DNMT3A: variants seen among roughly 807,000 people sequenced by gnomAD.
DNMT3A encodes the protein DNA (cytosine-5)-methyltransferase 3A.
A neutral mutation model predicts 117.6 loss-of-function variants in DNMT3A; 267 were observed. That is an observed-to-expected ratio of 2.27 (90% CI 2.05 to 2.51). The LOEUF is 2.51. DNMT3A is among the 30% of genes most tolerant of loss of function. The pLI is 0.00. For synonymous variants in DNMT3A, 432 were observed against 474.8 expected (o/e 0.91, Z 1.17); for missense variants, 1,029 against 1,260.2 (o/e 0.82, Z 2.78).
chr2:25,310,745 T>C (rs377497134), intron 2 of DNMT3A, among the ~76,000 whole-genome samples: 9 of 152,080 alleles, frequency 5.9e-5, no homozygotes, highest in East Asian at 3.9e-4. Flanking sequence ...CGCTCCAGGC[T>C]AGCAGTGGGC....
chr2:25,297,271 C>T (rs1049601382), intron 3 of DNMT3A, among the ~76,000 whole-genome samples: 1 of 152,152 alleles, frequency 6.6e-6, no homozygotes, highest in African/African-American at 2.4e-5. Flanking sequence ...CAATCAGCTT[C>T]ACCTTTACCA....
At chr2:25,290,265 A>G (rs1296586488) in intron 3 of DNMT3A, among the ~76,000 whole-genome samples, 7 of 151,666 alleles carry the variant, frequency 4.6e-5, no homozygotes, top group Non-Finnish European at 1.0e-4. Context: ...TCAGCCTCCC[A>G]AGGAGCTGGG....
At chr2:25,272,267 G>A (rs1450904365) in intron 6 of DNMT3A, among the ~76,000 whole-genome samples, 2 of 152,230 alleles carry the variant, frequency 1.3e-5, no homozygotes, top group Non-Finnish European at 2.9e-5. Flanking sequence ...GGTTACAGGT[G>A]TGAGCCACTG....
intron 6 of DNMT3A, among the ~76,000 whole-genome samples, chr2:25,271,016 C>T (rs1460697337): frequency 6.6e-6 from 1 of 151,584 alleles, no homozygotes; most frequent in Non-Finnish European, 1.5e-5. Flanking sequence ...AAGTGCGAAA[C>T]TCCGTCTCAA....
Position 25,234,129 on chromosome 2 carries a change from C to T in DNMT3A, c.*150G>A, listed in dbSNP as rs931884746. 8.9e-6 allele frequency: 11 copies of T among 1,240,438 alleles called. No individual in the cohort carries two copies. The highest frequency in any genetic ancestry group is 5.4e-5 in the East Asian group (2 of 37,024). The allele number at this position is 1,240,438 out of a possible 1,614,324, so 76.8% of individuals were successfully genotyped here. A position where few individuals can be genotyped will look rare whatever the true frequency, so the allele number is the denominator to read the frequency against. The stretch of plus-strand genomic sequence containing the variant: ...GCAAGGCAAAGCCCTCCGGTATTTC[C>T]GCCTCTGTGGTTTTTGTTTTAAATT... On this transcript the variant is annotated 3_prime_UTR_variant, in exon 23 of 23. Transcript: ENST00000321117. This position sits in a 1 kb window ranked among gnomAD's most constrained non-coding sequence, Gnocchi z 4.5.
intron 6 of DNMT3A, among the ~76,000 whole-genome samples, chr2:25,251,700 C>A (rs1442901743): frequency 6.6e-6 from 1 of 152,188 alleles, no homozygotes; most frequent in Admixed American, 6.5e-5. Flanking sequence ...TTCTTTCTGG[C>A]GGCCTGCCTG....
Position 25,236,441 on chromosome 2 carries a change from T to C in DNMT3A, c.2478+495A>G, listed in dbSNP as rs967105659. Among the ~76,000 whole-genome samples, 3 of 152,124 alleles carry C rather than the reference T, an allele frequency of 2.0e-5. No homozygotes were observed. Among genetic ancestry groups the C allele is most frequent in the Non-Finnish European group, 4.4e-5 (3 of 68,018 alleles). On this transcript the variant is annotated intron_variant, in intron 21 of 22. Coordinates refer to ENST00000321117, the MANE Select transcript of DNMT3A (RefSeq NM_022552.5). The surrounding 1 kb of genome is among the most constrained non-coding windows in gnomAD (Gnocchi z 4.5). ...TCCAAAGAATTAGTTCTTTCAGAGA[T>C]GGAGTAACTTGTAGGCTAAAGGATG...
In DNMT3A at chr2:25,275,534, T is replaced by C. The variant is rs1030411701; in HGVS notation, c.458A>G (p.Gln153Arg). The C allele has an allele frequency of 6.3e-7, 1 of 1,584,416 alleles. No individual in the cohort carries two copies. Among genetic ancestry groups the C allele is most frequent in the African/African-American group, 1.4e-5 (1 of 72,556 alleles). ...CATGGATTCGATGTTGGTCTCCTTC[T>C]GTTCTTTGCCTGTGGAGAGGGAAGA... ...RGAPAEAGKE[Q>R]KETNIESMKM... is the part of the protein sequence containing the mutation. The change falls in exon 5 of 23, where the codon CAG becomes CGG. Residue 153 changes from glutamine to arginine, a missense_variant. By Grantham distance (43) the Gln-to-Arg change is conservative (BLOSUM62 1). Transcript: ENST00000321117.
intron 6 of DNMT3A, among the ~76,000 whole-genome samples, chr2:25,255,128 C>T (rs1676003110): frequency 6.6e-6 from 1 of 152,210 alleles, no homozygotes; most frequent in Admixed American, 6.5e-5. Context: ...CTTTTCTAGA[C>T]TGAGTCGCTT....
Position 25,243,924 on chromosome 2 carries a change from A to C in DNMT3A, c.1910T>G (p.Leu637Arg), listed in dbSNP as rs371523368. The C allele has an allele frequency of 1.3e-6, 2 of 1,552,154 alleles. No individual in the cohort carries two copies. The highest frequency in any genetic ancestry group is 8.7e-7 in the Non-Finnish European group (1 of 1,147,118). ...TGTAGCGATTCCATCAAAGAGAGAC[A>C]GCACCCGGATGGGCTTCCTCTTCTC... ...PAEKRKPIRV[L>R]SLFDGIATGL... is the part of the protein sequence containing the mutation. The change falls in exon 16 of 23, where the codon CTG (leucine) becomes CGG (arginine). Residue 637 changes from leucine to arginine, a missense_variant. By Grantham distance (102) the Leu-to-Arg change is moderately radical (BLOSUM62 -2). Coordinates refer to ENST00000321117, the MANE Select transcript of DNMT3A (RefSeq NM_022552.5).
rs535562135 is a variant in DNMT3A at position 25,311,266 on chromosome 2, C to T, written c.72+2647G>A. ...CCTTTGTGCACAGTGCCCCTGGCAC[C>T]TGTGCCAGGCTCCCTGGGCTGCAGA... On this transcript the variant is annotated intron_variant, in intron 2 of 22. Transcript: ENST00000321117. This position sits in a 1 kb window ranked among gnomAD's most constrained non-coding sequence, Gnocchi z 5.2. Among the ~76,000 whole-genome samples the T allele has an allele frequency of 3.3e-5, 5 of 152,310 alleles. No individual in the cohort carries two copies. In the South Asian group the frequency reaches 8.3e-4, roughly 25 times the overall value.
intron 1 of DNMT3A, among the ~76,000 whole-genome samples, chr2:25,321,779 G>A (rs934665394): frequency 4.6e-5 from 7 of 152,198 alleles, no homozygotes; most frequent in South Asian, 2.1e-4. Context: ...CCAGCTACTC[G>A]AGAGGCTGAT....
rs143878403 is a variant in DNMT3A at position 25,327,339 on chromosome 2, A to G, written c.-177-13178T>C. ...CCCCAAAGGGCTTTTTTCCATCCTC[A>G]TGGCCCTTGAGCTCAATTCAACATC... is the stretch of plus-strand genomic sequence containing the variant. On this transcript the variant is annotated intron_variant, in intron 1 of 22. Transcript: ENST00000321117. This position sits in a 1 kb window ranked among gnomAD's most constrained non-coding sequence, Gnocchi z 4.1. 1.6e-3 allele frequency among the ~76,000 whole-genome samples: 238 copies of G among 152,148 alleles called. No homozygotes were observed. The highest frequency in any genetic ancestry group is 5.5e-3 in the African/African-American group (229 of 41,490).
chr2:25,242,027 G>A (rs547937895), intron 16 of DNMT3A: 6 of 362,070 alleles, frequency 1.7e-5, no homozygotes, highest in East Asian at 1.3e-4. Flanking sequence ...GTTGTTGTCC[G>A]TCTACAACTT....
rs1055980301 is a variant in DNMT3A, at chr2:25,313,934, C to T, written c.51G>A (p.Ala17=). 32 of 1,549,826 alleles carry T rather than the reference C, an allele frequency of 2.1e-5. No individual in the cohort carries two copies. Among genetic ancestry groups the T allele is most frequent in the Non-Finnish European group, 2.6e-5 (30 of 1,147,068 alleles). ...TCACCTTTCGGTCCTCCTCCCGCTCCGCAGCAGAGCTGCTGGTGTCCCCGG... is the reference window on the plus strand; with the variant it reads ...TCACCTTTCGGTCCTCCTCCCGCTCTGCAGCAGAGCTGCTGGTGTCCCCGG... ...SGPGDTSSSA[A]EREEDRKDGE... is the part of the protein sequence containing the mutation. Residue 17 remains alanine, a synonymous_variant, in exon 2 of 23, where the codon GCG becomes GCA. Transcript: ENST00000321117.
chr2:25,256,308 G>A (rs1236207254), intron 6 of DNMT3A, among the ~76,000 whole-genome samples: 1 of 152,126 alleles, frequency 6.6e-6, no homozygotes, highest in East Asian at 1.9e-4. Context: ...GTGATATCAT[G>A]AAGCCCACGC....
intron 6 of DNMT3A, among the ~76,000 whole-genome samples, chr2:25,259,076 C>A (rs558805504): frequency 6.6e-6 from 1 of 152,380 alleles, no homozygotes; most frequent in African/African-American, 2.4e-5. Flanking sequence ...CAACCCTACA[C>A]TTCCCTAATG....
rs1425128838 is a variant in DNMT3A at position 25,282,628 on chromosome 2, T to C, written c.261A>G (p.Leu87=). 1.9e-6 allele frequency: 3 copies of C among 1,613,448 alleles called. No homozygotes were observed. Among genetic ancestry groups the C allele is most frequent in the Admixed American group, 1.7e-5 (1 of 59,908 alleles). The change falls in exon 4 of 23, where the codon CTA becomes CTG. Residue 87 remains leucine, a synonymous_variant. Transcript: ENST00000321117. This position sits in a 1 kb window ranked among gnomAD's most constrained non-coding sequence, Gnocchi z 5.2. ...SMAQDSGASE[L]LPNGDLEKRS... is the part of the protein sequence containing the mutation. ...GCTTCTCCAAGTCCCCATTGGGTAATAGCTCTGAGGCGCCTGAGTCCTGGG... is the reference window on the plus strand; with the variant it reads ...GCTTCTCCAAGTCCCCATTGGGTAACAGCTCTGAGGCGCCTGAGTCCTGGG...
intron 6 of DNMT3A, among the ~76,000 whole-genome samples, chr2:25,261,621 AC>A (rs1191607611): frequency 7.3e-6 from 1 of 137,450 alleles, no homozygotes; most frequent in Non-Finnish European, 1.6e-5. Flanking sequence ...AAAAAAAAAA[AC>A]CATAAATAAA....
Sources: gnomAD v4.1 joint callset for allele counts (sites outside exome capture counted in the v4.1 genomes callset) on GRCh38, gnomAD v4.1.1 for gene constraint, Gnocchi (gnomAD v3.1) non-coding constraint, MANE v1.5 for transcripts, NCBI Gene and HGNC (gene_info 2026-07-23, HGNC 2026-07-21) for gene names.